The following DTX2 variants were observed in gnomAD, a reference collection of about 807,000 sequenced individuals.
DTX2 encodes probable E3 ubiquitin-protein ligase DTX2.
Under a neutral mutation model 55.3 loss-of-function variants are expected in DTX2, and 29 were observed. The ratio of observed to expected loss-of-function variants is 0.52; its 90% CI spans 0.39 to 0.71. DTX2 has a LOEUF of 0.71. DTX2 is among the 30% of genes least tolerant of loss of function. The pLI is 0.00. For missense variants in DTX2, 537 were observed against 822.5 expected (o/e 0.65, Z 4.25); for synonymous variants, 276 against 340.4 (o/e 0.81, Z 2.08).
At chr7:76,491,723 G>T (rs1342295864) in intron 4 of DTX2, among the ~76,000 whole-genome samples, 6 of 110,460 alleles carry the variant, frequency 5.4e-5, no homozygotes, top group African/African-American at 2.3e-4. Flanking sequence ...TCACTCTGTC[G>T]CCCAGGCTGG....
chr7:76,480,638 G>A lies in DTX2; in HGVS notation c.129G>A (p.Glu43=), dbSNP rs769547551. 3.3e-5 allele frequency: 54 copies of A among 1,613,646 alleles called. 4 individuals are homozygous for A. The South Asian group carries it at 5.6e-4, about 17-fold the overall frequency. The change falls in exon 3 of 11, where the codon GAG becomes GAA. Residue 43 remains glutamate, a synonymous_variant. Transcript: ENST00000430490. ...GTGCCACCGTCTGCAGCTTCATCGAGCAGCAGTTTGTCCAGCAGAAGGGCC... is the reference window on the plus strand; with the variant it reads ...GTGCCACCGTCTGCAGCTTCATCGAACAGCAGTTTGTCCAGCAGAAGGGCC... The part of the protein sequence containing the change: ...PYSATVCSFI[E]QQFVQQKGQR...
At chr7:76,499,399 C>T (rs1811382662) in intron 6 of DTX2, among the ~76,000 whole-genome samples, 1 of 151,184 alleles carries the variant, frequency 6.6e-6, no homozygotes, top group Non-Finnish European at 1.5e-5. Flanking sequence ...GCCAAACTGT[C>T]CCCTCCCTGG....
chr7:76,505,366 C>A lies in DTX2; in HGVS notation c.1642-8C>A, dbSNP rs1302578054. On this transcript the variant is annotated splice_polypyrimidine_tract_variant and splice_region_variant and intron_variant, in intron 10 of 10. Transcript: ENST00000430490. The surrounding 1 kb of genome is among the most constrained non-coding windows in gnomAD (Gnocchi z 4.4). ...TCCTTCCTCTTCCCCCTCCTCCTCC[C>A]CGGGCAGGTCCTAGAGCTCCTGAAG... 1.9e-6 allele frequency: 3 copies of A among 1,564,610 alleles called. No homozygotes were observed. The East Asian group carries it at 7.2e-5, about 37-fold the overall frequency.
chr7:76,502,641 C>T (rs184250301), intron 8 of DTX2, among the ~76,000 whole-genome samples, 185 bp downstream of exon 8: 1 of 152,288 alleles, frequency 6.6e-6, no homozygotes, highest in Admixed American at 6.5e-5. Flanking sequence ...GCCTGCCCTA[C>T]TCTTCTAGGT....
chr7:76,476,393 C>T (rs1808544151), intron 2 of DTX2, among the ~76,000 whole-genome samples: 1 of 145,244 alleles, frequency 6.9e-6, no homozygotes, highest in Non-Finnish European at 1.5e-5. Context: ...TCAAAGGTGC[C>T]TGTGCCCCTG....
chr7:76,482,791 C>T lies in DTX2; in HGVS notation c.552C>T (p.Thr184=), dbSNP rs753742812. The stretch of plus-strand genomic sequence containing the variant: ...CAGGGCCGCCTTACCCGGTGACCAC[C>T]ATCATCGCTCCGCCGGGCCACACAG... The part of the protein sequence containing the change: ...RQAGPPYPVT[T]IIAPPGHTGV... Residue 184 remains threonine (T), a synonymous_variant, in exon 4 of 11, where the codon ACC becomes ACT. Coordinates refer to ENST00000430490, the MANE Select transcript of DTX2 (RefSeq NM_001102594.3). 1.9e-6 allele frequency: 3 copies of T among 1,613,856 alleles called. No homozygotes were observed. Among genetic ancestry groups the T allele is most frequent in the East Asian group, 4.5e-5 (2 of 44,880 alleles).
chr7:76,469,336 T>C (rs1807590722), intron 2 of DTX2, among the ~76,000 whole-genome samples: 1 of 148,110 alleles, frequency 6.8e-6, no homozygotes. Context: ...CTTTCCTGAT[T>C]TTCAAGGGAA....
chr7:76,463,139 G>C (rs1312900061), intron 1 of DTX2, among the ~76,000 whole-genome samples: 3 of 150,206 alleles, frequency 2.0e-5, no homozygotes, highest in African/African-American at 4.9e-5. Flanking sequence ...AGAGCCAGGC[G>C]TGGTGACTCG....
At chr7:76,501,613 C>A (rs968906858) in intron 7 of DTX2, among the ~76,000 whole-genome samples, 1 of 151,540 alleles carries the variant, frequency 6.6e-6, no homozygotes, top group Non-Finnish European at 1.5e-5. Context: ...TCATCTCCTG[C>A]TCCCAGCCCA....
rs1341566142 is a variant in DTX2, at chr7:76,496,294, G to C, written c.1010-1043G>C. Reference sequence around the variant, plus strand: ...TGGCCGCCCTTCACCCCTGAGTCACGCCATCTGTTCCTGGATGGGGAGTGG... The same window carrying C: ...TGGCCGCCCTTCACCCCTGAGTCACCCCATCTGTTCCTGGATGGGGAGTGG... On this transcript the variant is annotated intron_variant, in intron 5 of 10. Coordinates refer to ENST00000430490, the MANE Select transcript of DTX2 (RefSeq NM_001102594.3). Among the ~76,000 whole-genome samples the C allele has an allele frequency of 6.0e-5, 5 of 83,618 alleles. 2 individuals are homozygous for C. The highest frequency in any genetic ancestry group is 2.2e-4 in the Admixed American group (2 of 8,906). The allele number at this position is 83,618 out of a possible 152,430, so 54.9% of individuals were successfully genotyped here.
chr7:76,469,937 A>G (rs879702562), intron 2 of DTX2, among the ~76,000 whole-genome samples: 6,530 of 111,268 alleles, frequency 0.059, no homozygotes, highest in Non-Finnish European at 0.086. Flanking sequence ...TGTGAGGACC[A>G]ACGAGAATTA....
chr7:76,481,375 C>T (rs1195831172), intron 3 of DTX2, among the ~76,000 whole-genome samples: 11 of 151,992 alleles, frequency 7.2e-5, no homozygotes, highest in South Asian at 2.1e-4. Context: ...TTAGTAGAGA[C>T]GGGGTTTTGC....
At chr7:76,504,984 T>C (rs977163516) in intron 10 of DTX2, among the ~76,000 whole-genome samples, 3 of 129,198 alleles carry the variant, frequency 2.3e-5, no homozygotes, top group African/African-American at 8.6e-5. Context: ...AGAATGGGCT[T>C]GAGGTGGCGG....
Position 76,477,537 on chromosome 7 carries a change from A to C in DTX2, c.-89-2884A>C, listed in dbSNP as rs138731251. On this transcript the variant is annotated intron_variant, in intron 2 of 10. Coordinates refer to ENST00000430490, the MANE Select transcript of DTX2 (RefSeq NM_001102594.3). ...ATTTTCCCAAAGAAAGCAAGCTTGGAGAGCTTAGATACTTCCATCAAGATG... is the reference window on the plus strand; with the variant it reads ...ATTTTCCCAAAGAAAGCAAGCTTGGCGAGCTTAGATACTTCCATCAAGATG... 2.8e-4 allele frequency among the ~76,000 whole-genome samples: 42 copies of C among 151,700 alleles called. 1 individual carries two copies. Among genetic ancestry groups the C allele is most frequent in the Middle Eastern group, 3.4e-3 (1 of 294 alleles).
intron 4 of DTX2, among the ~76,000 whole-genome samples, chr7:76,483,691 C>T (rs200270057): frequency 1.5e-4 from 22 of 151,110 alleles, no homozygotes; most frequent in Non-Finnish European, 2.5e-4. Context: ...CCTGGTAGAG[C>T]GCTCAGCTCC....
At chr7:76,468,904 A>C (rs1807524094) in intron 2 of DTX2, among the ~76,000 whole-genome samples, 1 of 134,134 alleles carries the variant, frequency 7.5e-6, no homozygotes, top group Non-Finnish European at 1.6e-5. Flanking sequence ...CTGGGACTAC[A>C]GGTGCACGCC....
intron 2 of DTX2, 34 bp from the exon 3 acceptor site, chr7:76,480,387 C>T: frequency 1.7e-6 from 2 of 1,153,292 alleles, no homozygotes; most frequent in Non-Finnish European, 2.4e-6. Context: ...TACTGATGTG[C>T]ATTGGTAACT....
At chr7:76,495,638 GA>G (rs1404905391) in intron 5 of DTX2, among the ~76,000 whole-genome samples, 6 of 148,510 alleles carry the variant, frequency 4.0e-5, no homozygotes, top group African/African-American at 1.5e-4. Flanking sequence ...AGCAAACACA[GA>G]GGGCTGCAGG....
chr7:76,464,549 C>T (rs924407277), intron 2 of DTX2, among the ~76,000 whole-genome samples: 4 of 151,304 alleles, frequency 2.6e-5, no homozygotes, highest in African/African-American at 4.9e-5. Flanking sequence ...GCTGAGGTGC[C>T]TACCACCATA....
Sources: gnomAD v4.1 joint callset for allele counts (sites outside exome capture counted in the v4.1 genomes callset) on GRCh38, gnomAD v4.1.1 for gene constraint, Gnocchi (gnomAD v3.1) non-coding constraint, MANE v1.5 for transcripts, NCBI Gene and HGNC (gene_info 2026-07-23, HGNC 2026-07-21) for gene names.